WNK3: variants seen among roughly 807,000 people sequenced by gnomAD.
WNK3 encodes serine/threonine-protein kinase WNK3.
A neutral mutation model predicts 116.7 loss-of-function variants in WNK3; 18 were observed. The ratio of observed to expected loss-of-function variants is 0.15; its 90% CI spans 0.11 to 0.23. WNK3 has a LOEUF of 0.23. Ranked by LOEUF, WNK3 falls within the 10% of genes least tolerant of loss-of-function variation. The probability of loss-of-function intolerance (pLI) is 1.00; values close to 1 mark genes in which losing one functional copy is unlikely to be tolerated. For synonymous variants in WNK3, 404 were observed against 469.4 expected, an observed-to-expected ratio of 0.86 and a Z score of 1.80; for missense variants, 993 against 1,323.8, an observed-to-expected ratio of 0.75 and a Z score of 3.88.
At chrX:54,304,231 T>TA (rs1177342673) in intron 5 of WNK3, among the ~76,000 whole-genome samples, 152 of 109,756 alleles carry the variant, frequency 1.4e-3, no homozygotes, top group African/African-American at 4.6e-3. Context: ...AAGAACCTTT[T>TA]AAAAAAAAAT....
chrX:54,250,673 A>G (rs199887409), intron 15 of WNK3, among the ~76,000 whole-genome samples: 2 of 111,762 alleles, frequency 1.8e-5, no homozygotes, highest in African/African-American at 3.2e-5. Flanking sequence ...AACCAGAAAA[A>G]TAAGATATAG....
chrX:54,193,421 C>T (rs1205387073), exon 24 of WNK3: 1 of 111,122 alleles, frequency 9.0e-6, no homozygotes, highest in African/African-American at 3.3e-5. Context: ...ATGACAAGCA[C>T]GCATTTAGGA....
At chrX:54,340,050 T>C (rs1402159530) in intron 1 of WNK3, among the ~76,000 whole-genome samples, 1 of 110,405 alleles carries the variant, frequency 9.1e-6, no homozygotes, top group Non-Finnish European at 1.9e-5. Context: ...CTCAGGAGGC[T>C]GAGGCACAAG....
chrX:54,297,303 A>C (rs1305371300), intron 7 of WNK3, among the ~76,000 whole-genome samples: 1 of 111,679 alleles, frequency 9.0e-6, no homozygotes. Context: ...GGCCGGGCAC[A>C]GTGGCTGATA....
chrX:54,348,920 A>C (rs1177957547), intron 1 of WNK3, among the ~76,000 whole-genome samples: 1 of 112,553 alleles, frequency 8.9e-6, no homozygotes, highest in African/African-American at 3.2e-5. Context: ...AATCCAAGAA[A>C]ATCAACTAAA....
intron 2 of WNK3, among the ~76,000 whole-genome samples, chrX:54,325,395 T>C (rs1302726102): frequency 3.6e-5 from 4 of 110,763 alleles, no homozygotes; most frequent in South Asian, 3.8e-4. Context: ...AAAAGTTCCA[T>C]TGGCCGGGCG....
intron 1 of WNK3, among the ~76,000 whole-genome samples, chrX:54,353,520 T>A (rs1557178838): frequency 2.7e-5 from 3 of 110,113 alleles, no homozygotes; most frequent in African/African-American, 3.3e-5. Flanking sequence ...ACATGAATTT[T>A]ATCACAATTT....
chrX:54,217,733 T>G (rs2067715397), intron 22 of WNK3, among the ~76,000 whole-genome samples: 1 of 110,933 alleles, frequency 9.0e-6, no homozygotes, highest in African/African-American at 3.3e-5. Context: ...TGCAGTGAAC[T>G]AGATCATGCC....
At position 54,294,590 on chromosome X, in the gene WNK3, T is replaced by C. The variant is rs1463868587; in HGVS notation, c.1656A>G (p.Leu552=). The change falls in exon 8 of 24, where the codon CTA becomes CTG. Residue 552 remains leucine, a synonymous_variant. Transcript: ENST00000354646. ...AGCAGTGCTGCTGTGGTTTTCTTTG[T>C]AGAAGCTGTTGTCTAACATGTTGAT... The C allele has an allele frequency of 1.1e-5, 13 of 1,196,248 alleles. No individual in the cohort carries two copies. In the African/African-American group the frequency reaches 1.2e-4, roughly 11 times the overall value.
intron 10 of WNK3, among the ~76,000 whole-genome samples, chrX:54,290,379 T>C (rs2147100449): frequency 8.9e-6 from 1 of 111,739 alleles, no homozygotes; most frequent in South Asian, 3.8e-4. Flanking sequence ...AAAGGCCAGC[T>C]ACAGGTACAA....
At chrX:54,247,249 C>T (rs929094661) in intron 17 of WNK3, among the ~76,000 whole-genome samples, 5 of 111,165 alleles carry the variant, frequency 4.5e-5, no homozygotes, top group African/African-American at 1.6e-4. Context: ...CTCCTTCAAG[C>T]AACAAAGTTT....
At chrX:54,280,430 TAC>T (rs1557162104) in intron 10 of WNK3, among the ~76,000 whole-genome samples, 25 of 111,889 alleles carry the variant, frequency 2.2e-4, no homozygotes, top group Admixed American at 6.7e-4. Flanking sequence ...TTAGCAAAAT[TAC>T]AGGATATAAT....
intron 2 of WNK3, among the ~76,000 whole-genome samples, chrX:54,316,772 GTAAATAAATATA>G (rs1237593195): frequency 9.0e-6 from 1 of 110,718 alleles, no homozygotes. Context: ...TATTATCTAA[GTAAATAAATATA>G]TAAATAAATA....
intron 22 of WNK3, among the ~76,000 whole-genome samples, chrX:54,210,381 G>A (rs1202880853): frequency 8.9e-6 from 1 of 112,427 alleles, no homozygotes; most frequent in East Asian, 2.8e-4. Context: ...AATGACTCTG[G>A]AGGCAGAGGT....
chrX:54,200,214 C>G (rs1557141335), intron 23 of WNK3, among the ~76,000 whole-genome samples: 1 of 111,815 alleles, frequency 8.9e-6, no homozygotes, highest in African/African-American at 3.3e-5. Context: ...TTCGTATATG[C>G]AATTCTGTTA....
chrX:54,232,383 A>T (rs1317139804), intron 21 of WNK3, among the ~76,000 whole-genome samples: 1 of 111,042 alleles, frequency 9.0e-6, no homozygotes, highest in African/African-American at 3.3e-5. Flanking sequence ...CTCAGGCGAC[A>T]GGCCCACCTC....
At chrX:54,252,167 G>A (rs1404723506) in intron 13 of WNK3, among the ~76,000 whole-genome samples, 10 of 109,279 alleles carry the variant, frequency 9.2e-5, no homozygotes, top group African/African-American at 3.0e-4. Flanking sequence ...ACAAAGACCA[G>A]CAATAAAATG....
chrX:54,197,188 T>C (rs1338265903), exon 24 of WNK3: 2 of 112,128 alleles, frequency 1.8e-5, no homozygotes, highest in Non-Finnish European at 3.8e-5. Flanking sequence ...ACGAGATTCA[T>C]ATCAGCTGCA....
At chrX:54,237,161 G>A in exon 20 of WNK3, 1 of 1,211,934 alleles carries the variant, frequency 8.3e-7, no homozygotes, top group Non-Finnish European at 1.1e-6. Flanking sequence ...TCAGAGCTAG[G>A]CTGTTTCCCA....
Sources: gnomAD v4.1 joint callset for allele counts (sites outside exome capture counted in the v4.1 genomes callset) on GRCh38, gnomAD v4.1.1 for gene constraint, MANE v1.5 for transcripts, NCBI Gene and HGNC (gene_info 2026-07-23, HGNC 2026-07-21) for gene names.